Variants in UBE2E2 observed in about 807,000 individuals in gnomAD.
UBE2E2 encodes the protein ubiquitin conjugating enzyme E2 E2.
In UBE2E2, 6 loss-of-function variants were observed where a neutral mutation model predicts 24.7. That is an observed-to-expected ratio of 0.24 (90% CI 0.13 to 0.48). The LOEUF (loss-of-function observed/expected upper bound fraction) is 0.48, where lower values mean the gene tolerates loss of function less well. UBE2E2 is among the 20% of genes least tolerant of loss of function. The pLI is 0.99. For synonymous variants in UBE2E2, 104 were observed against 83.6 expected (o/e 1.24, Z -1.33); for missense variants, 169 against 245.0 (o/e 0.69, Z 2.07).
intron 4 of UBE2E2, among the ~76,000 whole-genome samples, chr3:23,515,560 G>A (rs570190026): frequency 2.0e-5 from 3 of 152,224 alleles, no homozygotes; most frequent in East Asian, 1.9e-4. Context: ...CTGGCAATTC[G>A]ATTAGTATGG....
chr3:23,432,890 T>C (rs1038210026), intron 3 of UBE2E2, among the ~76,000 whole-genome samples: 1 of 151,888 alleles, frequency 6.6e-6, no homozygotes, highest in African/African-American at 2.4e-5. Flanking sequence ...TTAATATTAA[T>C]ATAATTTATG....
At chr3:23,581,005 A>G (rs1559428844) in intron 5 of UBE2E2, among the ~76,000 whole-genome samples, 1 of 152,202 alleles carries the variant, frequency 6.6e-6, no homozygotes. Flanking sequence ...CACGTTTTGC[A>G]TATGGCAAAG....
intron 1 of UBE2E2, among the ~76,000 whole-genome samples, chr3:23,207,287 G>T (rs1696175827): frequency 6.6e-6 from 1 of 152,146 alleles, no homozygotes; most frequent in Admixed American, 6.5e-5. Context: ...AATTGTTTGT[G>T]TCTGCTGTCT....
At chr3:23,273,793 T>TAA (rs1698313076) in intron 3 of UBE2E2, 1 of 152,390 alleles carries the variant, frequency 6.6e-6, no homozygotes, top group South Asian at 2.1e-4. Context: ...ACATGCTGGT[T>TAA]AAAATATGAC....
chr3:23,307,574 A>G (rs559017740), intron 3 of UBE2E2, among the ~76,000 whole-genome samples: 2 of 152,292 alleles, frequency 1.3e-5, no homozygotes, highest in African/African-American at 4.8e-5. Context: ...TATTTAAATG[A>G]AAGCATCTAG....
chr3:23,212,962 T>A (rs1696370662), intron 2 of UBE2E2, among the ~76,000 whole-genome samples: 1 of 152,112 alleles, frequency 6.6e-6, no homozygotes. Flanking sequence ...CTTTGACATT[T>A]AAAAAATTTT....
intron 3 of UBE2E2, among the ~76,000 whole-genome samples, chr3:23,478,069 C>A (rs945757599): frequency 2.0e-5 from 3 of 152,214 alleles, no homozygotes; most frequent in Non-Finnish European, 4.4e-5. Context: ...TTGGATATTT[C>A]TTTATATCAG....
chr3:23,537,923 C>G (rs1438224190), intron 5 of UBE2E2, among the ~76,000 whole-genome samples: 1 of 151,866 alleles, frequency 6.6e-6, no homozygotes, highest in Non-Finnish European at 1.5e-5. Context: ...TTGGGAGCCG[C>G]TAGACTGATG....
At chr3:23,242,263 A>G (rs1171216289) in intron 3 of UBE2E2, among the ~76,000 whole-genome samples, 1 of 151,910 alleles carries the variant, frequency 6.6e-6, no homozygotes, top group Non-Finnish European at 1.5e-5. Context: ...TGTTTTTAGT[A>G]TGATTGAATA....
chr3:23,525,382 T>C (rs1190530469), intron 4 of UBE2E2, among the ~76,000 whole-genome samples: 3 of 152,152 alleles, frequency 2.0e-5, no homozygotes, highest in African/African-American at 7.2e-5. Flanking sequence ...TGGGTGTGTG[T>C]TTATCACACA....
intron 3 of UBE2E2, among the ~76,000 whole-genome samples, chr3:23,418,344 G>A (rs1697699932): frequency 6.6e-6 from 1 of 152,140 alleles, no homozygotes; most frequent in Non-Finnish European, 1.5e-5. Context: ...CCTGGGTAAC[G>A]CAATGCCCCA....
intron 3 of UBE2E2, among the ~76,000 whole-genome samples, chr3:23,387,100 C>A (rs928881630): frequency 6.6e-6 from 1 of 152,142 alleles, no homozygotes; most frequent in Admixed American, 6.5e-5. Flanking sequence ...GAGTAGAGTT[C>A]AAAATGAAGC....
chr3:23,579,861 AT>A (rs1408396263), intron 5 of UBE2E2, among the ~76,000 whole-genome samples: 1 of 152,198 alleles, frequency 6.6e-6, no homozygotes, highest in African/African-American at 2.4e-5. Context: ...GGAGGTCAAA[AT>A]ATCCACATTA....
intron 3 of UBE2E2, chr3:23,270,947 C>T (rs1394128955): frequency 2.2e-6 from 1 of 456,604 alleles, no homozygotes; most frequent in African/African-American, 2.0e-5. Context: ...CATTTGTTAA[C>T]AGGCTGTTCC....
At chr3:23,521,654 G>A (rs547869504) in intron 4 of UBE2E2, among the ~76,000 whole-genome samples, 1 of 152,318 alleles carries the variant, frequency 6.6e-6, no homozygotes, top group African/African-American at 2.4e-5. Context: ...GCCCAGGATG[G>A]CTTTGAATGC....
intron 3 of UBE2E2, among the ~76,000 whole-genome samples, chr3:23,496,256 A>G (rs1033341126): frequency 2.6e-5 from 4 of 152,134 alleles, no homozygotes; most frequent in African/African-American, 9.7e-5. Flanking sequence ...TTCTTAATAT[A>G]AGAATTTGGT....
chr3:23,277,378 G>A lies in UBE2E2; in HGVS notation c.227+60066G>A, dbSNP rs144056595. On this transcript the variant is annotated intron_variant, in intron 3 of 5. Coordinates refer to ENST00000396703, the MANE Select transcript of UBE2E2 (RefSeq NM_152653.4). The stretch of plus-strand genomic sequence containing the variant: ...AAGATTTTCATTTGATAATTTGATG[G>A]TGTAGGTTTCAGGCAGTTATGATTT... 1.2e-3 allele frequency among the ~76,000 whole-genome samples: 188 copies of A among 152,216 alleles called. 4 individuals carry two copies. In the East Asian group the frequency reaches 0.035, roughly 29 times the overall value.
chr3:23,513,833 T>C (rs921036914), intron 4 of UBE2E2, among the ~76,000 whole-genome samples: 4 of 152,268 alleles, frequency 2.6e-5, no homozygotes, highest in African/African-American at 9.6e-5. Flanking sequence ...TTTGGACTTT[T>C]TTTTATTGAA....
At chr3:23,232,988 A>G (rs1002765394) in intron 3 of UBE2E2, among the ~76,000 whole-genome samples, 2 of 152,202 alleles carry the variant, frequency 1.3e-5, no homozygotes, top group Admixed American at 6.5e-5. Context: ...GGCACAGCCC[A>G]TTGCTTTAAG....
Sources: gnomAD v4.1 joint callset for allele counts (sites outside exome capture counted in the v4.1 genomes callset) on GRCh38, gnomAD v4.1.1 for gene constraint, MANE v1.5 for transcripts, NCBI Gene and HGNC (gene_info 2026-07-23, HGNC 2026-07-21) for gene names.